PRDM14: variants seen among roughly 807,000 people sequenced by gnomAD.
PRDM14 encodes PR domain zinc finger protein 14.
In PRDM14, 16 loss-of-function variants were observed where a neutral mutation model predicts 48.0. The observed-to-expected ratio is 0.33, with a 90% confidence interval of 0.23 to 0.51. The LOEUF (loss-of-function observed/expected upper bound fraction) is 0.51. Among genes scored for constraint, PRDM14 ranks in the 20% least tolerant of loss-of-function variants. PRDM14 has a pLI of 0.97. For synonymous variants in PRDM14, 264 were observed against 276.6 expected, an observed-to-expected ratio of 0.95 and a Z score of 0.45; for missense variants, 566 against 719.6, an observed-to-expected ratio of 0.79 and a Z score of 2.44.
intron 5 of PRDM14, among the ~76,000 whole-genome samples, chr8:70,059,362 C>T (rs1805537735): frequency 6.6e-6 from 1 of 150,490 alleles, no homozygotes; most frequent in Admixed American, 6.6e-5. Context: ...ACCTCCACCT[C>T]CCGGGTTCAA....
chr8:70,057,971 C>A (rs1805505940), intron 6 of PRDM14, among the ~76,000 whole-genome samples: 1 of 152,174 alleles, frequency 6.6e-6, no homozygotes, highest in Non-Finnish European at 1.5e-5. Flanking sequence ...GTAGTTCCGA[C>A]AAGGCCAACA....
At chr8:70,057,252 C>T (rs1805490953) in intron 6 of PRDM14, among the ~76,000 whole-genome samples, 1 of 151,874 alleles carries the variant, frequency 6.6e-6, no homozygotes, top group Admixed American at 6.6e-5. Context: ...CGTGAGCCAC[C>T]ACTCCCGGCC....
rs553411051 is a variant in PRDM14, at chr8:70,055,680, A to T, written c.1387-279T>A. On this transcript the variant is annotated intron_variant, in intron 6 of 7. Coordinates refer to ENST00000276594, the MANE Select transcript of PRDM14 (RefSeq NM_024504.4). Reference sequence around the variant, plus strand: ...GCCACTAAGCCAGCTAACTTAAAAAATTTTTTTTTGTAGAGATGAGGTCTC... The same window carrying T: ...GCCACTAAGCCAGCTAACTTAAAAATTTTTTTTTTGTAGAGATGAGGTCTC... Among the ~76,000 whole-genome samples, 179 of 151,496 alleles carry T rather than the reference A, an allele frequency of 1.2e-3. 1 individual carries two copies. The highest frequency in any genetic ancestry group is 1.9e-3 in the Non-Finnish European group (132 of 67,782).
At chr8:70,058,231 G>A (rs1265715354) in intron 6 of PRDM14, among the ~76,000 whole-genome samples, 1 of 152,164 alleles carries the variant, frequency 6.6e-6, no homozygotes, top group Non-Finnish European at 1.5e-5. Context: ...TTTGGAACAA[G>A]GCGCAGTTCC....
At chr8:70,065,851 C>T (rs1805658986) in intron 5 of PRDM14, among the ~76,000 whole-genome samples, 1 of 151,768 alleles carries the variant, frequency 6.6e-6, no homozygotes, top group Admixed American at 6.6e-5. Flanking sequence ...CTCTGCAACC[C>T]ACCATTTGAA....
chr8:70,066,339 T>C lies in PRDM14; in HGVS notation c.1079A>G (p.Gln360Arg), dbSNP rs372909113. The C allele has an allele frequency of 6.2e-7, 1 of 1,614,080 alleles. No individual in the cohort carries two copies. The highest frequency in any genetic ancestry group is 8.5e-7 in the Non-Finnish European group (1 of 1,180,044). The change falls in exon 5 of 8, where the codon CAA becomes CGA. Residue 360 changes from glutamine (Q) to arginine (R), a missense_variant. Transcript: ENST00000276594. ...YESCKEIHQN[Q>R]ELLVWYGDCY... is the part of the protein sequence containing the mutation. ...GTCTCCATACCACACAAGGAGCTCT[T>C]GGTTCTGATGGATCTCTTTGCAGCT...
chr8:70,069,975 A>T, intron 1 of PRDM14, 91 bp from the exon 2 acceptor site: 1 of 711,878 alleles, frequency 1.4e-6, no homozygotes, highest in Non-Finnish European at 2.3e-6. Flanking sequence ...CACCCCAGCC[A>T]GCCCCAGATC....
At chr8:70,056,088 G>A (rs1292343724) in intron 6 of PRDM14, among the ~76,000 whole-genome samples, 1 of 152,236 alleles carries the variant, frequency 6.6e-6, no homozygotes, top group Non-Finnish European at 1.5e-5. Context: ...CCAGGAGCTA[G>A]AAATCAAGGA....
chr8:70,052,881 A>C (rs1382407602), intron 7 of PRDM14, among the ~76,000 whole-genome samples: 1 of 148,462 alleles, frequency 6.7e-6, no homozygotes, highest in Non-Finnish European at 1.5e-5. Flanking sequence ...AAAAAAAAAA[A>C]AAAAAAAAAA....
At chr8:70,065,108 G>A (rs1238610049) in intron 5 of PRDM14, among the ~76,000 whole-genome samples, 1 of 151,770 alleles carries the variant, frequency 6.6e-6, no homozygotes, top group Non-Finnish European at 1.5e-5. Context: ...GGATGGTCTT[G>A]ATCTCCTGAC....
chr8:70,060,237 C>A (rs1301258255), intron 5 of PRDM14, among the ~76,000 whole-genome samples: 1 of 151,710 alleles, frequency 6.6e-6, no homozygotes, highest in Non-Finnish European at 1.5e-5. Flanking sequence ...CCCATCTCTA[C>A]AAAAAAATAA....
intron 6 of PRDM14, 53 bp from the exon 7 acceptor site, chr8:70,055,454 C>T (rs1403477145): frequency 2.9e-6 from 3 of 1,030,320 alleles, no homozygotes; most frequent in East Asian, 2.4e-5. Context: ...CTAACAAGTC[C>T]ATTTCAACCT....
At chr8:70,063,165 G>T (rs542434858) in intron 5 of PRDM14, among the ~76,000 whole-genome samples, 12 of 152,166 alleles carry the variant, frequency 7.9e-5, no homozygotes, top group African/African-American at 2.7e-4. Flanking sequence ...CGGCCATGGT[G>T]TCTCATGCCT....
intron 5 of PRDM14, among the ~76,000 whole-genome samples, chr8:70,065,983 A>C (rs1805660819): frequency 6.6e-6 from 1 of 152,170 alleles, no homozygotes; most frequent in Non-Finnish European, 1.5e-5. Context: ...CTTGGGGTGG[A>C]AGGTAGGGAA....
At chr8:70,067,099 A>G (rs943441538) in intron 4 of PRDM14, among the ~76,000 whole-genome samples, 19 of 152,226 alleles carry the variant, frequency 1.2e-4, no homozygotes, top group African/African-American at 4.6e-4. Context: ...TAGTGAGCAC[A>G]TGTTAATTTC....
chr8:70,058,609 A>G, intron 6 of PRDM14, 31 bp downstream of exon 6: 1 of 1,593,300 alleles, frequency 6.3e-7, no homozygotes, highest in Non-Finnish European at 8.6e-7. Context: ...AGAGAACGTG[A>G]TGGTGGGTCA....
At chr8:70,070,661 C>T (rs1273433237) in intron 1 of PRDM14, among the ~76,000 whole-genome samples, 1 of 152,230 alleles carries the variant, frequency 6.6e-6, no homozygotes, top group Non-Finnish European at 1.5e-5. Flanking sequence ...AATCATTCTA[C>T]CAGGACTATT....
At chr8:70,064,965 C>A (rs1805643204) in intron 5 of PRDM14, among the ~76,000 whole-genome samples, 1 of 151,304 alleles carries the variant, frequency 6.6e-6, no homozygotes, top group African/African-American at 2.4e-5. Flanking sequence ...TGGCATATTG[C>A]AACCTCTGTC....
At chr8:70,068,863 TG>T (rs1351578647) in intron 2 of PRDM14, among the ~76,000 whole-genome samples, 2 of 152,222 alleles carry the variant, frequency 1.3e-5, no homozygotes, top group African/African-American at 4.8e-5. Context: ...CTGTTAGGTG[TG>T]AACTGCTGAA....
Sources: allele counts gnomAD v4.1 joint callset (sites outside exome capture counted in the v4.1 genomes callset), GRCh38; gene constraint gnomAD v4.1.1; transcripts MANE v1.5; gene names NCBI Gene and HGNC (gene_info 2026-07-23, HGNC 2026-07-21).